Variants in EXOC6 observed in about 807,000 individuals in gnomAD.
The protein encoded by EXOC6 is SEC15-like 1.
EXOC6 carries 60 observed loss-of-function variants against 112.5 expected under a neutral mutation model. That is an observed-to-expected ratio of 0.53 (90% CI 0.43 to 0.66). The LOEUF (loss-of-function observed/expected upper bound fraction) is 0.66, where lower values mean the gene tolerates loss of function less well. Ranked by LOEUF, EXOC6 falls within the 30% of genes least tolerant of loss-of-function variation. EXOC6 has a pLI of 0.00. For missense variants in EXOC6, 855 were observed against 957.1 expected, an observed-to-expected ratio of 0.89 and a Z score of 1.41; for synonymous variants, 295 against 308.0, an observed-to-expected ratio of 0.96 and a Z score of 0.44.
chr10:93,001,705 T>C (rs902909259), intron 19 of EXOC6, among the ~76,000 whole-genome samples: 3 of 152,174 alleles, frequency 2.0e-5, no homozygotes, highest in African/African-American at 7.2e-5. Context: ...TTCTCCTCAG[T>C]TGGGCACCTG....
chr10:93,001,920 G>A (rs973180732), intron 19 of EXOC6, among the ~76,000 whole-genome samples: 4 of 152,068 alleles, frequency 2.6e-5, no homozygotes, highest in Non-Finnish European at 5.9e-5. Context: ...TGAACAAACT[G>A]GTTTAACTAT....
chr10:92,981,017 ACT>A (rs1842807398), intron 18 of EXOC6, among the ~76,000 whole-genome samples: 1 of 152,010 alleles, frequency 6.6e-6, no homozygotes, highest in Non-Finnish European at 1.5e-5. Context: ...ACAGAGCACG[ACT>A]CTGTCTTACA....
intron 5 of EXOC6, among the ~76,000 whole-genome samples, chr10:92,902,389 T>C (rs1046673641): frequency 2.6e-5 from 4 of 152,126 alleles, no homozygotes; most frequent in Non-Finnish European, 5.9e-5. Context: ...ATCTCTTCTT[T>C]GACATTTTAA....
At chr10:92,851,841 CAGG>C (rs919736649) in intron 1 of EXOC6, among the ~76,000 whole-genome samples, 1 of 151,976 alleles carries the variant, frequency 6.6e-6, no homozygotes, top group African/African-American at 2.4e-5. Context: ...GAGGCTGAAG[CAGG>C]AGGATTGCTT....
At chr10:92,887,403 T>C (rs1849278851) in intron 1 of EXOC6, among the ~76,000 whole-genome samples, 1 of 147,528 alleles carries the variant, frequency 6.8e-6, no homozygotes. Flanking sequence ...TTTTTTTTTT[T>C]TTTTTTTTTT....
At chr10:92,887,390 A>ATTT (rs11304638) in intron 1 of EXOC6, among the ~76,000 whole-genome samples, 3 of 83,766 alleles carry the variant, frequency 3.6e-5, no homozygotes, top group Non-Finnish European at 6.5e-5. Context: ...GATTAATTTA[A>ATTT]TTTTTTTTTT....
chr10:92,830,707 C>T (rs1301370239), upstream of EXOC6, among the ~76,000 whole-genome samples: 3 of 152,144 alleles, frequency 2.0e-5, no homozygotes, highest in Non-Finnish European at 4.4e-5. Flanking sequence ...ACATTTCCCT[C>T]GAGCAGGGGA....
chr10:92,935,089 G>T (rs1852271661), intron 11 of EXOC6, among the ~76,000 whole-genome samples: 1 of 151,742 alleles, frequency 6.6e-6, no homozygotes, highest in Non-Finnish European at 1.5e-5. Context: ...TGATCATTGA[G>T]ATTTTTAAAA....
At chr10:92,950,720 T>TA (rs1163844557) in intron 14 of EXOC6, among the ~76,000 whole-genome samples, 4 of 152,216 alleles carry the variant, frequency 2.6e-5, no homozygotes, top group African/African-American at 4.8e-5. Context: ...TAAACAGTGT[T>TA]AAAGAGTTTA....
intron 1 of EXOC6, among the ~76,000 whole-genome samples, chr10:92,828,193 C>T (rs1846416728): frequency 6.6e-6 from 1 of 152,188 alleles, no homozygotes; most frequent in South Asian, 2.1e-4. Context: ...TCTTACCAAT[C>T]TTTACGTCTT....
At chr10:93,040,349 C>T (rs1206263406) in intron 20 of EXOC6, among the ~76,000 whole-genome samples, 1 of 152,060 alleles carries the variant, frequency 6.6e-6, no homozygotes, top group Non-Finnish European at 1.5e-5. Context: ...CCCAGGTTCA[C>T]GCCATTCTCC....
At chr10:92,979,217 C>A (rs1427438109) in intron 18 of EXOC6, among the ~76,000 whole-genome samples, 1 of 152,134 alleles carries the variant, frequency 6.6e-6, no homozygotes, top group Non-Finnish European at 1.5e-5. Flanking sequence ...CTGGAGTGCA[C>A]TGGTGCAATC....
chr10:92,896,055 ATG>A (rs1435888104), intron 4 of EXOC6, among the ~76,000 whole-genome samples: 1 of 46,480 alleles, frequency 2.2e-5, no homozygotes. Context: ...GTGTATATAT[ATG>A]TGTATATATA....
intron 9 of EXOC6, among the ~76,000 whole-genome samples, chr10:92,930,942 T>C (rs937668057): frequency 1.3e-5 from 2 of 151,532 alleles, no homozygotes; most frequent in Non-Finnish European, 2.9e-5. Flanking sequence ...TGAAACCCCG[T>C]CTCTACTAAA....
At chr10:92,879,619 G>A (rs75954525) in intron 1 of EXOC6, among the ~76,000 whole-genome samples, 2,286 of 152,266 alleles carry the variant, frequency 0.015, 53 homozygotes, top group African/African-American at 0.052. Context: ...AAGAAGACAA[G>A]TAAAATATGT....
intron 18 of EXOC6, among the ~76,000 whole-genome samples, chr10:92,983,433 C>T (rs1290480617): frequency 6.6e-6 from 1 of 151,860 alleles, no homozygotes; most frequent in Admixed American, 6.6e-5. Context: ...AGCAACCTTT[C>T]CCTTCCCCTT....
intron 1 of EXOC6, among the ~76,000 whole-genome samples, chr10:92,837,012 G>A (rs114991034): frequency 0.012 from 1,816 of 151,884 alleles, 38 homozygotes; most frequent in African/African-American, 0.042. Context: ...GCTAGGCCTT[G>A]TGGAAACTCT....
At chr10:92,977,932 C>A (rs2095020588) in intron 18 of EXOC6, among the ~76,000 whole-genome samples, 1 of 152,170 alleles carries the variant, frequency 6.6e-6, no homozygotes, top group Admixed American at 6.5e-5. Context: ...CTAACTAGAT[C>A]ACTCATCTAT....
chr10:93,000,350 C>T (rs1165924037), intron 19 of EXOC6, among the ~76,000 whole-genome samples: 1 of 152,182 alleles, frequency 6.6e-6, no homozygotes, highest in Non-Finnish European at 1.5e-5. Context: ...CCCAAACACC[C>T]TGGAATCTTT....
Sources: allele counts gnomAD v4.1 joint callset (sites outside exome capture counted in the v4.1 genomes callset), GRCh38; gene constraint gnomAD v4.1.1; transcripts MANE v1.5; gene names NCBI Gene and HGNC (gene_info 2026-07-23, HGNC 2026-07-21).